The following USP48 variants were observed in gnomAD, a reference collection of about 807,000 sequenced individuals.
USP48 encodes ubiquitin carboxyl-terminal hydrolase 48.
In USP48, 43 loss-of-function variants were observed where a neutral mutation model predicts 150.7. The observed-to-expected ratio is 0.29, with a 90% CI of 0.22 to 0.37. The LOEUF (loss-of-function observed/expected upper bound fraction) is 0.37, where lower values mean the gene tolerates loss of function less well. Among genes scored for constraint, USP48 ranks in the 10% least tolerant of loss-of-function variants. The pLI is 1.00. For synonymous variants in USP48, 396 were observed against 425.9 expected, an observed-to-expected ratio of 0.93 and a Z score of 0.86; for missense variants, 813 against 1,249.6, an observed-to-expected ratio of 0.65 and a Z score of 5.27.
At position 21,783,121 on chromosome 1, in the gene USP48, G is replaced by T; in HGVS notation, c.-164C>A. On this transcript the variant is annotated 5_prime_UTR_variant, in exon 1 of 27. Transcript: ENST00000308271. The stretch of plus-strand genomic sequence containing the variant: ...TGTGCGCGCCACTGCCGCCGCGCCC[G>T]CCCGCGCCCGACCCGCACGACCGGC... 9.2e-7 allele frequency: 1 copy of T among 1,091,478 alleles called. No homozygotes were observed. The highest frequency in any genetic ancestry group is 1.2e-6 in the Non-Finnish European group (1 of 832,978). The allele number at this position is 1,091,478 out of a possible 1,614,324, so 67.6% of individuals were successfully genotyped here. A position where few individuals can be genotyped will look rare whatever the true frequency, so the allele number is the denominator to read the frequency against.
In USP48 at chr1:21,721,632, G is replaced by A; in HGVS notation, c.1763+18C>T. On this transcript the variant is annotated intron_variant, in intron 13 of 26. Coordinates refer to ENST00000308271, the MANE Select transcript of USP48 (RefSeq NM_032236.8). ...AACTTCTTAGTTTATCATTAACAATGTACACTGTGCAACATACCCCTTTAC... is the reference window on the plus strand; with the variant it reads ...AACTTCTTAGTTTATCATTAACAATATACACTGTGCAACATACCCCTTTAC... The A allele has an allele frequency of 6.8e-7, 1 of 1,465,246 alleles. No individual in the cohort carries two copies. Among genetic ancestry groups the A allele is most frequent in the Non-Finnish European group, 9.3e-7 (1 of 1,069,616 alleles). The allele number at this position is 1,465,246 out of a possible 1,614,324, so 90.8% of individuals were successfully genotyped here. A position where few individuals can be genotyped will look rare whatever the true frequency, so the allele number is the denominator to read the frequency against.
In USP48 at chr1:21,687,173, A is replaced by C; in HGVS notation, c.3058+18T>G. The C allele has an allele frequency of 6.2e-7, 1 of 1,611,042 alleles. No homozygotes were observed. The highest frequency in any genetic ancestry group is 8.5e-7 in the Non-Finnish European group (1 of 1,178,174). ...CTAAAACCTAATCAGCAGATTCCTA[A>C]AACAAATTCATCTTTACCTTGCATG... On this transcript the variant is annotated intron_variant, in intron 25 of 26. Coordinates refer to ENST00000308271, the MANE Select transcript of USP48 (RefSeq NM_032236.8).
At chr1:21,698,763 C>T (rs970013050) in intron 22 of USP48, among the ~76,000 whole-genome samples, 7 of 151,894 alleles carry the variant, frequency 4.6e-5, no homozygotes, top group East Asian at 2.0e-4. Context: ...GGCGTGGTGG[C>T]GGGCGCCTGT....
intron 13 of USP48, 51 bp downstream of exon 13, chr1:21,721,599 C>A: frequency 8.6e-7 from 1 of 1,166,328 alleles, no homozygotes; most frequent in Non-Finnish European, 1.2e-6. Context: ...TGGTTATGAC[C>A]TCTTGAAAAC....
chr1:21,701,409 AG>A, intron 22 of USP48, 88 bp downstream of exon 22: 1 of 1,019,424 alleles, frequency 9.8e-7, no homozygotes, highest in Non-Finnish European at 1.5e-6. Flanking sequence ...TATCCCATAC[AG>A]GGTACAGAGA....
chr1:21,685,535 A>G (rs1416796309), intron 25 of USP48, among the ~76,000 whole-genome samples: 1 of 152,054 alleles, frequency 6.6e-6, no homozygotes, highest in African/African-American at 2.4e-5. Flanking sequence ...GGCTGGTCAC[A>G]AACTCCTGAC....
At chr1:21,777,992 A>T (rs1370808243) in intron 1 of USP48, among the ~76,000 whole-genome samples, 1 of 118,368 alleles carries the variant, frequency 8.4e-6, no homozygotes, top group African/African-American at 2.9e-5. Context: ...AAAAAAAAAA[A>T]ATTAGCTAGG....
At position 21,751,108 on chromosome 1, in the gene USP48, AC is replaced by A. The variant is rs554258754; in HGVS notation, c.774+398del. On this transcript the variant is annotated intron_variant, in intron 6 of 26. Transcript: ENST00000308271. The stretch of plus-strand genomic sequence containing the variant: ...AGAAAGGAATCACTGAATTATCTCC[AC>A]ATGAATCTAAATATACAGAAAGCAG... Among the ~76,000 whole-genome samples the A allele has an allele frequency of 8.9e-4, 136 of 152,212 alleles. 1 individual carries two copies. The highest frequency in any genetic ancestry group is 1.7e-3 in the Non-Finnish European group (113 of 68,022).
chr1:21,733,320 A>C (rs1236234609), intron 9 of USP48, among the ~76,000 whole-genome samples: 8 of 152,078 alleles, frequency 5.3e-5, no homozygotes, highest in Admixed American at 4.6e-4. Flanking sequence ...AGGAGGCTGA[A>C]GCAGGAGAAT....
rs147152627 is a variant in USP48 at position 21,728,987 on chromosome 1, T to C, written c.1301-268A>G. Among the ~76,000 whole-genome samples the C allele has an allele frequency of 7.7e-3, 1,177 of 152,184 alleles. 8 individuals are homozygous for C. Among genetic ancestry groups the C allele is most frequent in the South Asian group, 0.019 (90 of 4,832 alleles). On this transcript the variant is annotated intron_variant, in intron 10 of 26. Transcript: ENST00000308271. ...ATCGAATGGCTCAAAATCACCACTT[T>C]AGAATAGATGACGCCAGGCGGGCGC...
At chr1:21,728,343 T>C in intron 11 of USP48, 1 of 1,284,868 alleles carries the variant, frequency 7.8e-7, no homozygotes, top group Non-Finnish European at 9.8e-7. Context: ...CTAAATGTTA[T>C]AATTTATTAA....
intron 15 of USP48, among the ~76,000 whole-genome samples, chr1:21,710,369 T>C (rs2097686980): frequency 6.6e-6 from 1 of 152,156 alleles, no homozygotes; most frequent in South Asian, 2.1e-4. Context: ...AAACTGTATA[T>C]AATACTTTGG....
intron 1 of USP48, among the ~76,000 whole-genome samples, chr1:21,765,937 A>G (rs1298706308): frequency 6.9e-6 from 1 of 144,474 alleles, no homozygotes; most frequent in African/African-American, 2.6e-5. Context: ...AAAAAAAAAA[A>G]GGCAATTCAG....
At chr1:21,724,168 T>G (rs751046483) in intron 11 of USP48, 73 bp from the exon 12 acceptor site, 245 of 1,441,106 alleles carry the variant, frequency 1.7e-4, no homozygotes, top group Non-Finnish European at 2.2e-4. Flanking sequence ...TTCATTTTTC[T>G]CAAAAGACAA....
chr1:21,767,640 C>CT (rs765475508), intron 1 of USP48, among the ~76,000 whole-genome samples: 1,984 of 143,746 alleles, frequency 0.014, 11 homozygotes, highest in Non-Finnish European at 0.022. Flanking sequence ...TTTTAGAGAG[C>CT]TTTTTTTTTT....
chr1:21,780,222 A>G (rs1178070415), intron 1 of USP48, among the ~76,000 whole-genome samples: 1 of 152,248 alleles, frequency 6.6e-6, no homozygotes, highest in Non-Finnish European at 1.5e-5. Flanking sequence ...AATACTACTC[A>G]GCCGTAAGGA....
chr1:21,773,989 G>A (rs2097889938), intron 1 of USP48, among the ~76,000 whole-genome samples: 1 of 151,990 alleles, frequency 6.6e-6, no homozygotes, highest in African/African-American at 2.4e-5. Flanking sequence ...AAAAAACTAT[G>A]TAACTGGCTG....
intron 23 of USP48, 94 bp downstream of exon 23, chr1:21,694,972 C>A: frequency 7.9e-7 from 1 of 1,259,744 alleles, no homozygotes; most frequent in Non-Finnish European, 1.0e-6. Flanking sequence ...GAAAAAAACA[C>A]AGATACATAC....
chr1:21,711,112 C>T (rs2152528284), intron 15 of USP48, among the ~76,000 whole-genome samples: 1 of 151,922 alleles, frequency 6.6e-6, no homozygotes, highest in Admixed American at 6.6e-5. Context: ...ATATAAAAGA[C>T]ATACAGTTAT....
Sources: allele counts gnomAD v4.1 joint callset (sites outside exome capture counted in the v4.1 genomes callset), GRCh38; gene constraint gnomAD v4.1.1; transcripts MANE v1.5; gene names NCBI Gene and HGNC (gene_info 2026-07-23, HGNC 2026-07-21).